The following TANC2 variants were observed in gnomAD, a reference collection of about 807,000 sequenced individuals.
TANC2 encodes protein TANC2.
Under a neutral mutation model 210.5 loss-of-function variants are expected in TANC2, and 26 were observed. The observed-to-expected ratio is 0.12, with a 90% CI of 0.09 to 0.17. The LOEUF is 0.17. Among genes scored for constraint, TANC2 ranks in the 10% least tolerant of loss-of-function variants. The probability of loss-of-function intolerance (pLI) is 1.00; values close to 1 mark genes in which losing one functional copy is unlikely to be tolerated. For synonymous variants in TANC2, 931 were observed against 967.1 expected (o/e 0.96, Z 0.69); for missense variants, 2,129 against 2,608.9 (o/e 0.82, Z 4.01).
At chr17:63,006,647 C>T (rs1029408259) in intron 1 of TANC2, among the ~76,000 whole-genome samples, 2 of 152,098 alleles carry the variant, frequency 1.3e-5, no homozygotes, top group African/African-American at 4.8e-5. Context: ...TCAAAATTTA[C>T]TGATACTTTA....
intron 5 of TANC2, among the ~76,000 whole-genome samples, chr17:63,184,717 G>A (rs1236133795): frequency 2.0e-5 from 3 of 149,452 alleles, no homozygotes; most frequent in Admixed American, 6.7e-5. Flanking sequence ...GCAATGGCAC[G>A]ATCTCGGCTC....
intron 2 of TANC2, among the ~76,000 whole-genome samples, chr17:63,063,575 T>TGTGTGTGTGTGTGTGTGTGTGTGTAG: frequency 7.5e-6 from 1 of 132,494 alleles, no homozygotes; most frequent in Non-Finnish European, 1.6e-5. Flanking sequence ...TGTGTGTGTG[T>TGTGTGTGTGTGTGTGTGTGTGTGTAG]AGATATATCT....
chr17:63,422,011 G>C lies in TANC2; in HGVS notation c.*56G>C. Reference sequence around the variant, plus strand: ...TTTTCACTGCACATTTTCAGGCTTGGTTTCCACATTCGAGGTAGTTCTCTG... The same window carrying C: ...TTTTCACTGCACATTTTCAGGCTTGCTTTCCACATTCGAGGTAGTTCTCTG... On this transcript the variant is annotated 3_prime_UTR_variant, in exon 28 of 28. Coordinates refer to ENST00000689528, the Ensembl canonical transcript of TANC2. 5 of 1,535,696 alleles carry C rather than the reference G, an allele frequency of 3.3e-6. No individual in the cohort carries two copies. In the South Asian group the frequency reaches 3.9e-5, roughly 12 times the overall value.
chr17:63,250,419 T>A (rs1192322291), intron 8 of TANC2, among the ~76,000 whole-genome samples: 1 of 152,094 alleles, frequency 6.6e-6, no homozygotes, highest in East Asian at 1.9e-4. Context: ...TAATTTAATC[T>A]GACAGAACTA....
chr17:63,023,240 C>A (rs2034422221), intron 2 of TANC2, among the ~76,000 whole-genome samples: 1 of 152,226 alleles, frequency 6.6e-6, no homozygotes, highest in Admixed American at 6.5e-5. Context: ...GGGCTGAGCC[C>A]AGCAAAGTCA....
chr17:63,201,258 G>T (rs960108207), intron 7 of TANC2, among the ~76,000 whole-genome samples: 19 of 152,094 alleles, frequency 1.2e-4, no homozygotes, highest in African/African-American at 4.3e-4. Context: ...ACCAACAGAA[G>T]TAGTTCAGAA....
rs372615695 is a variant in TANC2, at chr17:63,327,725, T to C, written c.1575+8635T>C. On this transcript the variant is annotated intron_variant, in intron 11 of 27. Transcript: ENST00000689528. ...CTGGATAAAGAAAATGTGGTACATA[T>C]ACACCATGGAATACTGTGCAGCCAT... 1.6e-3 allele frequency among the ~76,000 whole-genome samples: 241 copies of C among 152,194 alleles called. 9 individuals are homozygous for C. The South Asian group carries it at 0.047, about 30-fold the overall frequency.
intron 1 of TANC2, among the ~76,000 whole-genome samples, chr17:62,983,057 C>G (rs2032382823): frequency 6.6e-6 from 1 of 152,032 alleles, no homozygotes; most frequent in South Asian, 2.1e-4. Flanking sequence ...TTGGGGTAAT[C>G]ATTTTAACAC....
chr17:63,245,239 T>A (rs1234420069), intron 8 of TANC2, among the ~76,000 whole-genome samples: 1 of 152,214 alleles, frequency 6.6e-6, no homozygotes, highest in Non-Finnish European at 1.5e-5. Flanking sequence ...AGACATCTTA[T>A]AATAAGTTAG....
chr17:63,103,535 C>T (rs996455561), intron 4 of TANC2, among the ~76,000 whole-genome samples: 4 of 152,182 alleles, frequency 2.6e-5, no homozygotes, highest in Non-Finnish European at 5.9e-5. Flanking sequence ...TGTCACGTCA[C>T]GACTGTTTGC....
At chr17:63,037,781 T>TC (rs1415309562) in intron 2 of TANC2, among the ~76,000 whole-genome samples, 2 of 152,132 alleles carry the variant, frequency 1.3e-5, no homozygotes, top group African/African-American at 4.8e-5. Flanking sequence ...GCCACTGTGT[T>TC]CCAGCTGGGC....
intron 7 of TANC2, among the ~76,000 whole-genome samples, chr17:63,235,597 C>T (rs2042599154): frequency 6.6e-6 from 1 of 151,914 alleles, no homozygotes; most frequent in Non-Finnish European, 1.5e-5. Context: ...GATTTTCTTT[C>T]TTAGAGAGAA....
At chr17:63,216,598 C>CCTT (rs1270824159) in intron 7 of TANC2, among the ~76,000 whole-genome samples, 3 of 152,038 alleles carry the variant, frequency 2.0e-5, no homozygotes, top group Non-Finnish European at 2.9e-5. Flanking sequence ...GGAAGTAAGC[C>CCTT]CTTAACCTGT....
chr17:63,240,057 T>C (rs1006138644), intron 8 of TANC2, among the ~76,000 whole-genome samples: 1 of 152,280 alleles, frequency 6.6e-6, no homozygotes, highest in African/African-American at 2.4e-5. Context: ...AGCATGAGAT[T>C]TGGGCAGGGA....
intron 7 of TANC2, among the ~76,000 whole-genome samples, chr17:63,201,721 A>G (rs957970973): frequency 7.2e-5 from 11 of 152,030 alleles, no homozygotes; most frequent in African/African-American, 2.7e-4. Context: ...AGCAGAAACT[A>G]AAACCACTCT....
intron 15 of TANC2, among the ~76,000 whole-genome samples, chr17:63,387,769 A>C (rs886703931): frequency 6.6e-6 from 1 of 152,234 alleles, no homozygotes; most frequent in African/African-American, 2.4e-5. Flanking sequence ...GGGGAAGCCC[A>C]TGTGAAAAGG....
intron 4 of TANC2, among the ~76,000 whole-genome samples, chr17:63,118,776 ATTTTTTTT>A (rs1162117818): frequency 8.0e-6 from 1 of 125,674 alleles, no homozygotes; most frequent in African/African-American, 3.1e-5. Context: ...TATCCAACTA[ATTTTTTTT>A]TTTTTTTTTT....
exon 28 of TANC2, chr17:63,427,382 G>C (rs1275106805): frequency 1.3e-5 from 2 of 152,212 alleles, no homozygotes; most frequent in Non-Finnish European, 2.9e-5. Flanking sequence ...AGATGTAAAG[G>C]ACTTTCTCTG....
chr17:63,023,097 G>T (rs1440226994), intron 2 of TANC2, among the ~76,000 whole-genome samples: 1 of 152,210 alleles, frequency 6.6e-6, no homozygotes, highest in African/African-American at 2.4e-5. Flanking sequence ...CACCACAGAG[G>T]TTCCCTACAA....
Sources: gnomAD v4.1 joint callset for allele counts (sites outside exome capture counted in the v4.1 genomes callset) on GRCh38, gnomAD v4.1.1 for gene constraint, MANE v1.5 for transcripts, NCBI Gene and HGNC (gene_info 2026-07-23, HGNC 2026-07-21) for gene names.